Variants in SIM1 observed in about 807,000 individuals in gnomAD.
The protein encoded by SIM1 is SIM bHLH transcription factor 1, also known as single-minded homolog 1.
Under a neutral mutation model 78.2 loss-of-function variants are expected in SIM1, and 18 were observed. The observed-to-expected ratio is 0.23, with a 90% CI of 0.16 to 0.34. The LOEUF (loss-of-function observed/expected upper bound fraction) is 0.34. SIM1 is among the 10% of genes least tolerant of loss of function. SIM1 has a pLI of 1.00. For synonymous variants in SIM1, 417 were observed against 385.2 expected, an observed-to-expected ratio of 1.08 and a Z score of -0.97; for missense variants, 939 against 975.1, an observed-to-expected ratio of 0.96 and a Z score of 0.49.
At chr6:100,400,012 A>G (rs1383571188) in intron 10 of SIM1, among the ~76,000 whole-genome samples, 1 of 152,082 alleles carries the variant, frequency 6.6e-6, no homozygotes, top group African/African-American at 2.4e-5. Flanking sequence ...AAATAAAACA[A>G]AACAAAAGAC....
chr6:100,412,730 AG>A lies in SIM1; in HGVS notation c.1167+8059del, dbSNP rs1478122808. Among the ~76,000 whole-genome samples, 91 of 141,084 alleles carry A rather than the reference AG, an allele frequency of 6.5e-4. 1 individual carries two copies. Among genetic ancestry groups the A allele is most frequent in the East Asian group, 2.1e-3 (10 of 4,860 alleles). The allele number at this position is 141,084 out of a possible 152,430, so 92.6% of individuals were successfully genotyped here. A position where few individuals can be genotyped will look rare whatever the true frequency, so the allele number is the denominator to read the frequency against. Reference sequence around the variant, plus strand: ...AAGAAAGAAAGAAAGAAAGAAAGAAAGAAAGAAAGAAAGAAAGAAAGAAAAA... The same window carrying A: ...AAGAAAGAAAGAAAGAAAGAAAGAAAAAAGAAAGAAAGAAAGAAAGAAAAA... On this transcript the variant is annotated intron_variant, in intron 10 of 11. Transcript: ENST00000369208.
intron 9 of SIM1, among the ~76,000 whole-genome samples, chr6:100,424,125 T>C (rs1771664201): frequency 7.5e-6 from 1 of 132,618 alleles, no homozygotes; most frequent in South Asian, 2.4e-4. Context: ...CCAAAATTTT[T>C]ACATGGCTTC....
chr6:100,456,458 A>G (rs749730836), intron 2 of SIM1, among the ~76,000 whole-genome samples: 1 of 152,242 alleles, frequency 6.6e-6, no homozygotes, highest in Non-Finnish European at 1.5e-5. Flanking sequence ...CAGTGGGAAC[A>G]AGATCTAAAG....
rs189585210 is a variant in SIM1 at position 100,391,950 on chromosome 6, A to G, written c.1571-859T>C. Among the ~76,000 whole-genome samples the G allele has an allele frequency of 2.4e-4, 37 of 152,260 alleles. 1 individual carries two copies. The East Asian group carries it at 5.8e-3, about 24-fold the overall frequency. On this transcript the variant is annotated intron_variant, in intron 11 of 11. Transcript: ENST00000369208. ...CACTTTGGGAGGCCCAGGTGGATGG[A>G]TTACCTGAGGTCAGGAGTTCAGTAC...
intron 10 of SIM1, among the ~76,000 whole-genome samples, chr6:100,418,919 G>A (rs906527905): frequency 3.3e-5 from 5 of 151,992 alleles, no homozygotes; most frequent in Non-Finnish European, 5.9e-5. Flanking sequence ...TGTAATCCCA[G>A]ACTTTGGGAG....
intron 10 of SIM1, among the ~76,000 whole-genome samples, chr6:100,398,023 G>A (rs1174895449): frequency 1.3e-5 from 2 of 152,060 alleles, no homozygotes; most frequent in East Asian, 3.8e-4. Context: ...CCAATTGCTG[G>A]CAAAGATGTA....
At chr6:100,438,140 G>A (rs910044941) in intron 9 of SIM1, among the ~76,000 whole-genome samples, 9 of 152,066 alleles carry the variant, frequency 5.9e-5, no homozygotes, top group Non-Finnish European at 7.4e-5. Flanking sequence ...AAGCTTCTGC[G>A]TTGCAAAAGA....
intron 9 of SIM1, among the ~76,000 whole-genome samples, 180 bp from the exon 10 acceptor site, chr6:100,421,138 T>C (rs1771569262): frequency 6.6e-6 from 1 of 152,242 alleles, no homozygotes; most frequent in Non-Finnish European, 1.5e-5. Flanking sequence ...ACTAGTGTGC[T>C]GATAATAATG....
intron 9 of SIM1, among the ~76,000 whole-genome samples, chr6:100,432,644 A>T (rs1048473261): frequency 6.6e-6 from 1 of 152,152 alleles, no homozygotes; most frequent in Non-Finnish European, 1.5e-5. Context: ...TTACTTCTGC[A>T]GACCCCAAAA....
intron 10 of SIM1, among the ~76,000 whole-genome samples, chr6:100,420,503 G>A (rs1771547573): frequency 6.6e-6 from 1 of 152,090 alleles, no homozygotes. Flanking sequence ...CTGGGTGGGA[G>A]GGAAATTCAG....
intron 2 of SIM1, among the ~76,000 whole-genome samples, chr6:100,457,935 C>T (rs200722474): frequency 1.3e-5 from 2 of 152,156 alleles, no homozygotes; most frequent in Non-Finnish European, 2.9e-5. Flanking sequence ...CGGCCGCACC[C>T]AGGGAATCCA....
rs1562239566 is a variant in SIM1, at chr6:100,412,600, AAAGAAAGAAAGGAAAGAAAG to A, written c.1167+8170_1167+8189del. On this transcript the variant is annotated intron_variant, in intron 10 of 11. Transcript: ENST00000369208. Reference sequence around the variant, plus strand: ...GAAAGAAAGAAAGAAAGAAAGAAAGAAAGAAAGAAAGGAAAGAAAGAAGGAAAGAAAGAAAGAAAAGAAAG... The same window carrying A: ...GAAAGAAAGAAAGAAAGAAAGAAAGAAAGGAAAGAAAGAAAGAAAAGAAAG... Among the ~76,000 whole-genome samples, 3 of 119,612 alleles carry A rather than the reference AAAGAAAGAAAGGAAAGAAAG, an allele frequency of 2.5e-5. 1 individual carries two copies. The highest frequency in any genetic ancestry group is 9.4e-5 in the African/African-American group (3 of 31,926). 78.5% of individuals were successfully genotyped at this position (119,612 alleles called of 152,430 possible).
intron 10 of SIM1, among the ~76,000 whole-genome samples, chr6:100,406,886 T>C (rs1280983047): frequency 6.6e-6 from 1 of 152,122 alleles, no homozygotes; most frequent in African/African-American, 2.4e-5. Flanking sequence ...TAAAATACAA[T>C]ATTATTAACT....
chr6:100,427,322 T>G (rs1771762163), intron 9 of SIM1: 1 of 152,252 alleles, frequency 6.6e-6, no homozygotes, highest in African/African-American at 2.4e-5. Flanking sequence ...GATTTATGTT[T>G]GCTCCTTGTA....
At chr6:100,406,136 A>T (rs1562236701) in intron 10 of SIM1, among the ~76,000 whole-genome samples, 1 of 152,212 alleles carries the variant, frequency 6.6e-6, no homozygotes, top group Non-Finnish European at 1.5e-5. Context: ...TAATGTAGAA[A>T]TAGTTCTAGC....
chr6:100,451,886 C>A (rs1253399104), intron 3 of SIM1, among the ~76,000 whole-genome samples: 1 of 152,112 alleles, frequency 6.6e-6, no homozygotes, highest in East Asian at 1.9e-4. Context: ...TTAGATGTGT[C>A]CAGTTTGCAG....
At chr6:100,410,697 A>C (rs1025319970) in intron 10 of SIM1, among the ~76,000 whole-genome samples, 2 of 152,266 alleles carry the variant, frequency 1.3e-5, no homozygotes, top group African/African-American at 2.4e-5. Context: ...TGGATGTCAT[A>C]CTCTAACCAA....
At chr6:100,461,468 C>G (rs1470534575) in intron 2 of SIM1, among the ~76,000 whole-genome samples, 1 of 152,224 alleles carries the variant, frequency 6.6e-6, no homozygotes, top group African/African-American at 2.4e-5. Flanking sequence ...CTTCTCCTCC[C>G]GCGATTACTC....
At position 100,386,848 on chromosome 6, in the gene SIM1, C is replaced by T. The variant is rs1025909174; in HGVS notation, c.*3513G>A. 16 of 152,008 alleles carry T rather than the reference C, an allele frequency of 1.1e-4. No homozygotes were observed. The highest frequency in any genetic ancestry group is 3.4e-4 in the African/African-American group (14 of 41,406). The allele number at this position is 152,008 out of a possible 1,614,324, so 9.4% of individuals were successfully genotyped here. On this transcript the variant is annotated 3_prime_UTR_variant, in exon 12 of 12. Coordinates refer to ENST00000369208, the MANE Select transcript of SIM1 (RefSeq NM_005068.3). ...CACTGTCATATTATCTTTTATCAGG[C>T]AATTACAGTTTAGGTAAGCGAGCAC... is the stretch of plus-strand genomic sequence containing the variant.
Sources: allele counts gnomAD v4.1 joint callset (sites outside exome capture counted in the v4.1 genomes callset), GRCh38; gene constraint gnomAD v4.1.1; transcripts MANE v1.5; gene names NCBI Gene and HGNC (gene_info 2026-07-23, HGNC 2026-07-21).